RTN1: variants seen among roughly 807,000 people sequenced by gnomAD.
RTN1 encodes reticulon 1.
RTN1 carries 25 observed loss-of-function variants against 65.5 expected under a neutral mutation model. The observed-to-expected ratio is 0.38, with a 90% confidence interval of 0.28 to 0.53. The LOEUF (loss-of-function observed/expected upper bound fraction) is 0.53. Ranked by LOEUF, RTN1 falls within the 20% of genes least tolerant of loss-of-function variation. The pLI is 0.79. For synonymous variants in RTN1, 471 were observed against 447.6 expected (o/e 1.05, Z -0.66); for missense variants, 983 against 1,025.4 (o/e 0.96, Z 0.57).
intron 1 of RTN1, among the ~76,000 whole-genome samples, chr14:59,851,948 A>G (rs1052381033): frequency 2.6e-5 from 4 of 152,180 alleles, no homozygotes; most frequent in Non-Finnish European, 5.9e-5. Flanking sequence ...CGGTTTTAAA[A>G]TACTGTACAA....
intron 1 of RTN1, among the ~76,000 whole-genome samples, chr14:59,801,274 T>C (rs1025469821): frequency 6.6e-6 from 1 of 152,168 alleles, no homozygotes; most frequent in African/African-American, 2.4e-5. Flanking sequence ...GGTAAAACAA[T>C]TTTTTTAAAC....
intron 1 of RTN1, among the ~76,000 whole-genome samples, chr14:59,819,216 G>A (rs1886877365): frequency 6.6e-6 from 1 of 152,110 alleles, no homozygotes; most frequent in Non-Finnish European, 1.5e-5. Flanking sequence ...GTGAGCAGCA[G>A]CAAGATTTAT....
chr14:59,613,056 C>T (rs1203512434), intron 3 of RTN1, among the ~76,000 whole-genome samples: 1 of 152,178 alleles, frequency 6.6e-6, no homozygotes, highest in Non-Finnish European at 1.5e-5. Flanking sequence ...CTAATTTCCT[C>T]TCTTGAATTT....
chr14:59,825,313 G>A lies in RTN1; in HGVS notation c.241+45077C>T, dbSNP rs138285482. Among the ~76,000 whole-genome samples the A allele has an allele frequency of 2.0e-5, 3 of 152,174 alleles. No homozygotes were observed. Among genetic ancestry groups the A allele is most frequent in the African/African-American group, 7.2e-5 (3 of 41,450 alleles). On this transcript the variant is annotated intron_variant, in intron 1 of 8. Coordinates refer to ENST00000267484, the MANE Select transcript of RTN1 (RefSeq NM_021136.3). The surrounding 1 kb of genome is among the most constrained non-coding windows in gnomAD (Gnocchi z 4.2). The stretch of plus-strand genomic sequence containing the variant: ...TCACCATCTTGTATCTGACCTCTGG[G>A]TTACCTGGTCTATGGCCTTTGTTTA...
At chr14:59,664,466 T>TA (rs577730583) in intron 3 of RTN1, among the ~76,000 whole-genome samples, 20 of 152,182 alleles carry the variant, frequency 1.3e-4, no homozygotes, top group South Asian at 2.1e-4. Flanking sequence ...TCAAGTATAA[T>TA]AAAAAAAGTC....
At chr14:59,680,813 T>C (rs1326275357) in intron 3 of RTN1, among the ~76,000 whole-genome samples, 1 of 152,172 alleles carries the variant, frequency 6.6e-6, no homozygotes, top group East Asian at 1.9e-4. Context: ...AGAGAATGTG[T>C]AACTAAGTAA....
intron 3 of RTN1, chr14:59,607,693 G>A (rs1427394382): frequency 1.1e-4 from 64 of 594,846 alleles, no homozygotes; most frequent in Middle Eastern, 4.4e-4. Context: ...TTCCACCCTT[G>A]AGGATAATTC....
At chr14:59,615,265 C>G (rs370097850) in intron 3 of RTN1, among the ~76,000 whole-genome samples, 5 of 152,012 alleles carry the variant, frequency 3.3e-5, no homozygotes, top group African/African-American at 1.2e-4. Context: ...GCCTGACCAA[C>G]GTGGAGAAAC....
intron 1 of RTN1, among the ~76,000 whole-genome samples, chr14:59,814,471 G>C (rs996306738): frequency 6.6e-6 from 1 of 152,194 alleles, no homozygotes; most frequent in Admixed American, 6.5e-5. Flanking sequence ...GAAAGCACAG[G>C]CTCTGAAGAG....
At chr14:59,820,215 C>T (rs1886915992) in intron 1 of RTN1, among the ~76,000 whole-genome samples, 1 of 151,216 alleles carries the variant, frequency 6.6e-6, no homozygotes, top group African/African-American at 2.4e-5. Flanking sequence ...CTATTCATGT[C>T]CTTTGCCTAC....
chr14:59,738,865 T>C (rs1885057146), intron 2 of RTN1, among the ~76,000 whole-genome samples: 1 of 152,192 alleles, frequency 6.6e-6, no homozygotes, highest in African/African-American at 2.4e-5. Flanking sequence ...TGGATGGAGC[T>C]GGAGGCCATT....
intron 3 of RTN1, among the ~76,000 whole-genome samples, chr14:59,719,229 T>C (rs758869356): frequency 3.9e-4 from 60 of 152,314 alleles, no homozygotes; most frequent in Admixed American, 1.6e-3. Context: ...TTGCCATTCT[T>C]CCCCTTGCCT....
intron 3 of RTN1, among the ~76,000 whole-genome samples, chr14:59,677,868 T>C (rs1883660104): frequency 1.3e-5 from 2 of 152,164 alleles, no homozygotes; most frequent in South Asian, 4.1e-4. Context: ...GTAATGTGGA[T>C]TTTAGCTTTG....
chr14:59,627,255 C>T (rs1355839226), intron 3 of RTN1, among the ~76,000 whole-genome samples: 1 of 152,170 alleles, frequency 6.6e-6, no homozygotes, highest in African/African-American at 2.4e-5. Flanking sequence ...TTAGAAAAAT[C>T]ATTGAGGAAA....
At chr14:59,675,456 G>T in intron 3 of RTN1, among the ~76,000 whole-genome samples, 1 of 149,374 alleles carries the variant, frequency 6.7e-6, no homozygotes, top group African/African-American at 2.5e-5. Flanking sequence ...GGGGGGGGGC[G>T]CTATAATTTA....
intron 3 of RTN1, among the ~76,000 whole-genome samples, chr14:59,693,325 T>C (rs931942334): frequency 5.3e-5 from 8 of 152,354 alleles, no homozygotes; most frequent in African/African-American, 1.9e-4. Context: ...TTTAATCTAA[T>C]AAGCCTCCTG....
At chr14:59,767,131 C>T (rs1885864911) in intron 1 of RTN1, among the ~76,000 whole-genome samples, 2 of 152,224 alleles carry the variant, frequency 1.3e-5, no homozygotes, top group South Asian at 2.1e-4. Context: ...GTCCTCTCCC[C>T]ACTCTTGCTA....
chr14:59,724,252 C>T (rs769307384), intron 3 of RTN1, among the ~76,000 whole-genome samples: 27 of 152,140 alleles, frequency 1.8e-4, no homozygotes, highest in Non-Finnish European at 3.5e-4. Context: ...TGAGAAAGCT[C>T]CAAAACTAGG....
At chr14:59,855,985 G>A (rs992486217) in intron 1 of RTN1, among the ~76,000 whole-genome samples, 8 of 152,030 alleles carry the variant, frequency 5.3e-5, no homozygotes, top group African/African-American at 1.4e-4. Context: ...TGGTCCTTTC[G>A]CTAGAAACAG....
Sources: allele counts gnomAD v4.1 joint callset (sites outside exome capture counted in the v4.1 genomes callset), GRCh38; gene constraint gnomAD v4.1.1; non-coding constraint Gnocchi (gnomAD v3.1); transcripts MANE v1.5; gene names NCBI Gene and HGNC (gene_info 2026-07-23, HGNC 2026-07-21).